CPS1: variants seen among roughly 807,000 people sequenced by gnomAD.
CPS1 encodes carbamoyl-phosphate synthase [ammonia], mitochondrial.
In CPS1, 109 loss-of-function variants were observed where a neutral mutation model predicts 174.6. That is an observed-to-expected ratio of 0.62 (90% CI 0.53 to 0.73). The LOEUF (loss-of-function observed/expected upper bound fraction) is 0.73. CPS1 is among the 30% of genes least tolerant of loss of function. The pLI, the probability that CPS1 is intolerant of heterozygous loss-of-function variation, is 0.00. For missense variants in CPS1, 1,689 were observed against 1,821.9 expected (o/e 0.93, Z 1.33); for synonymous variants, 637 against 632.0 (o/e 1.01, Z -0.12).
intron 24 of CPS1, 97 bp from the exon 25 acceptor site, chr2:210,642,387 C>T: frequency 7.0e-7 from 1 of 1,421,262 alleles, no homozygotes; most frequent in Non-Finnish European, 9.9e-7. Context: ...TCATTAGCTT[C>T]CTTAGCCTGG....
upstream of CPS1, among the ~76,000 whole-genome samples, chr2:210,554,058 A>G (rs535356104): frequency 6.0e-5 from 9 of 149,352 alleles, no homozygotes; most frequent in African/African-American, 2.2e-4. Flanking sequence ...CATGGACCAT[A>G]AAATATATAT....
intron 1 of CPS1, among the ~76,000 whole-genome samples, chr2:210,546,197 G>A (rs533057491): frequency 3.9e-5 from 6 of 152,016 alleles, no homozygotes; most frequent in African/African-American, 1.4e-4. Flanking sequence ...ATGTAAAAGG[G>A]CTTTAATAAG....
chr2:210,509,899 A>G (rs140766354), intron 1 of CPS1, among the ~76,000 whole-genome samples: 1,913 of 152,306 alleles, frequency 0.013, 35 homozygotes, highest in African/African-American at 0.043. Flanking sequence ...ATGGAAGAAC[A>G]TTCCATGCTC....
intron 1 of CPS1, among the ~76,000 whole-genome samples, chr2:210,514,224 A>G (rs959827227): frequency 1.3e-5 from 2 of 151,858 alleles, no homozygotes; most frequent in Non-Finnish European, 2.9e-5. Context: ...GTAAAAAATG[A>G]CATTGGTTGT....
At chr2:210,548,593 G>T (rs370398223) in intron 1 of CPS1, among the ~76,000 whole-genome samples, 25 of 152,078 alleles carry the variant, frequency 1.6e-4, no homozygotes, top group African/African-American at 5.8e-4. Context: ...TTGACTAATT[G>T]TTAGTAGTTT....
intron 13 of CPS1, among the ~76,000 whole-genome samples, chr2:210,597,958 A>G (rs1202216423): frequency 6.6e-6 from 1 of 151,964 alleles, no homozygotes; most frequent in Non-Finnish European, 1.5e-5. Flanking sequence ...TATAGCAAGC[A>G]TGAATCTAGA....
chr2:210,667,743 G>A (rs775794657), intron 33 of CPS1, among the ~76,000 whole-genome samples: 4 of 152,086 alleles, frequency 2.6e-5, no homozygotes, highest in South Asian at 2.1e-4. Flanking sequence ...GCTACTGACC[G>A]GTAAATTCAT....
At chr2:210,556,894 T>C (rs375478694) in intron 1 of CPS1, 35 bp downstream of exon 1, 33 of 1,609,210 alleles carry the variant, frequency 2.1e-5, no homozygotes, top group Non-Finnish European at 2.7e-5. Context: ...GATAAAATAC[T>C]ATGGGGTATA....
At position 210,482,845 on chromosome 2, in the gene CPS1, C is replaced by A. The variant is rs766214128; in HGVS notation, c.3+5079C>A. On this transcript the variant is annotated intron_variant, in intron 1 of 38. Transcript: ENST00000430249. ...AGAAAAAAGAAATATCTTTTCACTG[C>A]AGCCTAACCCAATGTGTACTTATAG... is the stretch of plus-strand genomic sequence containing the variant. Among the ~76,000 whole-genome samples the A allele has an allele frequency of 2.6e-5, 4 of 152,160 alleles. No homozygotes were observed. In the South Asian group the frequency reaches 8.3e-4, roughly 32 times the overall value.
intron 21 of CPS1, among the ~76,000 whole-genome samples, chr2:210,634,843 T>C (rs1433896712): frequency 6.6e-6 from 1 of 152,244 alleles, no homozygotes; most frequent in Admixed American, 6.5e-5. Context: ...TTCCTCAGTA[T>C]GTTTCCCATA....
In CPS1 at chr2:210,608,561, T is replaced by C; in HGVS notation, c.2391+2T>C. On this transcript the variant is annotated splice_donor_variant, in intron 19 of 37. Transcript: ENST00000233072. LOFTEE classifies it high-confidence loss of function. ...AGCTCTATGAAAAGTGTAGGAGAGG[T>C]GAGTCCTTGGTTTATTACGCTTTTC... The C allele has an allele frequency of 6.2e-7, 1 of 1,610,692 alleles. No individual in the cohort carries two copies. Among genetic ancestry groups the C allele is most frequent in the African/African-American group, 1.3e-5 (1 of 74,684 alleles).
chr2:210,522,756 G>T (rs1412451568), intron 1 of CPS1, among the ~76,000 whole-genome samples: 1 of 151,834 alleles, frequency 6.6e-6, no homozygotes, highest in Admixed American at 6.6e-5. Flanking sequence ...CCACCATCTT[G>T]GTGAGACCTC....
At chr2:210,484,676 C>T (rs1394134411) in intron 1 of CPS1, among the ~76,000 whole-genome samples, 1 of 152,208 alleles carries the variant, frequency 6.6e-6, no homozygotes, top group African/African-American at 2.4e-5. Context: ...TAACTGACTA[C>T]CTGCTTTCTG....
intron 1 of CPS1, among the ~76,000 whole-genome samples, chr2:210,572,600 C>A (rs756200715): frequency 2.6e-5 from 4 of 151,928 alleles, no homozygotes; most frequent in African/African-American, 7.2e-5. Flanking sequence ...ATTATTATGG[C>A]AAAGTTATCA....
chr2:210,620,964 A>G (rs1469409444), intron 21 of CPS1, among the ~76,000 whole-genome samples: 1 of 152,096 alleles, frequency 6.6e-6, no homozygotes, highest in African/African-American at 2.4e-5. Context: ...TAATACCTGA[A>G]TATAGTAGCA....
At chr2:210,477,866 AT>A (rs1396279189) in intron 1 of CPS1, 2 of 1,352,952 alleles carry the variant, frequency 1.5e-6, no homozygotes, top group Non-Finnish European at 1.0e-6. Flanking sequence ...TTTATCAATT[AT>A]TTTTTCTTTA....
At position 210,497,893 on chromosome 2, in the gene CPS1, C is replaced by CATATATATCTATATAT. The variant is rs1553718832; in HGVS notation, c.3+20135_3+20136insCTATATATATATATAT. 5.1e-4 allele frequency among the ~76,000 whole-genome samples: 44 copies of CATATATATCTATATAT among 86,942 alleles called. 1 individual carries two copies. In the East Asian group the frequency reaches 0.014, roughly 28 times the overall value. The allele number at this position is 86,942 out of a possible 152,430, so 57.0% of individuals were successfully genotyped here. ...TTTTTGGTAGAACAATATATACATA[C>CATATATATCTATATAT]ATATATATATATATATATATATATA... is the stretch of plus-strand genomic sequence containing the variant. On this transcript the variant is annotated intron_variant, in intron 1 of 38. Coordinates refer to the CPS1 transcript ENST00000430249.
chr2:210,658,728 T>C (rs1700808173), intron 31 of CPS1, 40 bp downstream of exon 31: 4 of 1,416,746 alleles, frequency 2.8e-6, no homozygotes, highest in Non-Finnish European at 2.0e-6. Context: ...ACCACCACTG[T>C]GTTACGTCAT....
chr2:210,536,811 A>G (rs536379106), intron 1 of CPS1, among the ~76,000 whole-genome samples: 1 of 152,324 alleles, frequency 6.6e-6, no homozygotes, highest in South Asian at 2.1e-4. Flanking sequence ...TGAGAGTAAG[A>G]GAGAAAGAGC....
Sources: allele counts gnomAD v4.1 joint callset (sites outside exome capture counted in the v4.1 genomes callset), GRCh38; gene constraint gnomAD v4.1.1; transcripts MANE v1.5; gene names NCBI Gene and HGNC (gene_info 2026-07-23, HGNC 2026-07-21).